The following GULP1 variants were observed in gnomAD, a reference collection of about 807,000 sequenced individuals.
GULP1 encodes GULP PTB domain containing engulfment adaptor 1.
Under a neutral mutation model 40.9 loss-of-function variants are expected in GULP1, and 19 were observed. That is an observed-to-expected ratio of 0.46 (90% CI 0.32 to 0.68). The LOEUF (loss-of-function observed/expected upper bound fraction) is 0.68, where lower values mean the gene tolerates loss of function less well. GULP1 is among the 30% of genes least tolerant of loss of function. The pLI is 0.03. For synonymous variants in GULP1, 119 were observed against 117.6 expected, an observed-to-expected ratio of 1.01 and a Z score of -0.08; for missense variants, 312 against 362.2, an observed-to-expected ratio of 0.86 and a Z score of 1.12.
chr2:188,329,969 T>A (rs561435960), intron 1 of GULP1, among the ~76,000 whole-genome samples: 1 of 152,286 alleles, frequency 6.6e-6, no homozygotes, highest in African/African-American at 2.4e-5. Flanking sequence ...TTTGATTTTG[T>A]ACCTGTTAAC....
intron 1 of GULP1, among the ~76,000 whole-genome samples, chr2:188,348,142 A>C (rs2043947426): frequency 6.6e-6 from 1 of 152,232 alleles, no homozygotes; most frequent in Non-Finnish European, 1.5e-5. Context: ...GTGTTATTCA[A>C]AATATTTATT....
rs549246411 is a variant in GULP1, at chr2:188,504,143, A to G, written c.91-18613A>G. ...AATAATTCAGCTGTCACTCTTCTGTACAGTAGAAGGAAATGTCATGACTTC... is the reference window on the plus strand; with the variant it reads ...AATAATTCAGCTGTCACTCTTCTGTGCAGTAGAAGGAAATGTCATGACTTC... On this transcript the variant is annotated intron_variant, in intron 4 of 11. Coordinates refer to ENST00000409830, the MANE Select transcript of GULP1 (RefSeq NM_016315.4). 3.3e-5 allele frequency among the ~76,000 whole-genome samples: 5 copies of G among 152,086 alleles called. No homozygotes were observed. In the South Asian group the frequency reaches 1.0e-3, roughly 31 times the overall value.
At chr2:188,469,942 T>C (rs959794542) in intron 2 of GULP1, among the ~76,000 whole-genome samples, 1 of 152,184 alleles carries the variant, frequency 6.6e-6, no homozygotes, top group Admixed American at 6.5e-5. Context: ...TTTAATGTAT[T>C]GTTGAATGCA....
At chr2:188,536,772 A>G (rs1237239365) in intron 6 of GULP1, among the ~76,000 whole-genome samples, 1 of 152,132 alleles carries the variant, frequency 6.6e-6, no homozygotes, top group Non-Finnish European at 1.5e-5. Flanking sequence ...TTGTTTGGGC[A>G]ATATGGTCAT....
intron 1 of GULP1, among the ~76,000 whole-genome samples, chr2:188,357,335 A>G (rs2045477418): frequency 1.3e-5 from 2 of 152,196 alleles, no homozygotes; most frequent in Admixed American, 6.5e-5. Context: ...TCTAGAATAT[A>G]TGATAAACTC....
At chr2:188,331,644 A>G (rs368184824) in intron 1 of GULP1, among the ~76,000 whole-genome samples, 126 of 152,300 alleles carry the variant, frequency 8.3e-4, no homozygotes, top group African/African-American at 2.9e-3. Flanking sequence ...AAATTCTGTT[A>G]TAGTTTGTAT....
At chr2:188,546,686 G>C (rs1453229543) in intron 7 of GULP1, among the ~76,000 whole-genome samples, 1 of 151,852 alleles carries the variant, frequency 6.6e-6, no homozygotes, top group East Asian at 1.9e-4. Context: ...AAACCTCAAA[G>C]TAAGCAGACG....
At chr2:188,560,389 A>G (rs948107377) in intron 7 of GULP1, among the ~76,000 whole-genome samples, 6 of 152,294 alleles carry the variant, frequency 3.9e-5, no homozygotes, top group East Asian at 1.9e-4. Context: ...ACCTCCTCAC[A>G]TTGGACTTCA....
intron 4 of GULP1, among the ~76,000 whole-genome samples, chr2:188,486,163 AG>A (rs1356837962): frequency 6.6e-6 from 1 of 152,060 alleles, no homozygotes. Context: ...ATAAATCGGT[AG>A]TGATAAAAAA....
chr2:188,421,731 G>A (rs1282072306), intron 2 of GULP1, among the ~76,000 whole-genome samples: 1 of 152,084 alleles, frequency 6.6e-6, no homozygotes, highest in Non-Finnish European at 1.5e-5. Context: ...ATTCTTGCTG[G>A]GGAGTGGGCC....
intron 1 of GULP1, among the ~76,000 whole-genome samples, chr2:188,374,406 A>G (rs926352439): frequency 3.3e-5 from 5 of 152,284 alleles, no homozygotes; most frequent in African/African-American, 1.2e-4. Context: ...TGCATTGGTT[A>G]CTATAGTAGA....
chr2:188,413,977 G>C (rs557320916), intron 2 of GULP1, among the ~76,000 whole-genome samples: 1 of 152,200 alleles, frequency 6.6e-6, no homozygotes, highest in South Asian at 2.1e-4. Flanking sequence ...CCAGCAAGTT[G>C]GGAGGCCGAG....
rs894277029 is a variant in GULP1 at position 188,591,580 on chromosome 2, G to A, written c.844-2360G>A. 10 of 151,380 alleles carry A rather than the reference G, an allele frequency of 6.6e-5. 1 individual carries two copies. Among genetic ancestry groups the A allele is most frequent in the Admixed American group, 3.9e-4 (6 of 15,194 alleles). 9.4% of individuals were successfully genotyped at this position (151,380 alleles called of 1,614,324 possible). On this transcript the variant is annotated intron_variant, in intron 11 of 11. Transcript: ENST00000409830. The stretch of plus-strand genomic sequence containing the variant: ...ATGGAAACAATCATAAAAATTAATA[G>A]CATTTTATATAGTCATAATAAATTA...
chr2:188,379,256 T>C (rs1388031075), intron 1 of GULP1, among the ~76,000 whole-genome samples: 1 of 152,196 alleles, frequency 6.6e-6, no homozygotes, highest in Non-Finnish European at 1.5e-5. Context: ...TCTGAAGAGT[T>C]TGTCATGTCT....
chr2:188,401,024 G>A (rs1160043584), intron 2 of GULP1, among the ~76,000 whole-genome samples: 3 of 150,012 alleles, frequency 2.0e-5, no homozygotes, highest in Non-Finnish European at 4.4e-5. Flanking sequence ...TTTTAGTTTT[G>A]GTTGCTGTGA....
At chr2:188,453,372 C>G (rs2058993059) in intron 2 of GULP1, among the ~76,000 whole-genome samples, 1 of 151,928 alleles carries the variant, frequency 6.6e-6, no homozygotes, top group Non-Finnish European at 1.5e-5. Context: ...ATTTATTATT[C>G]TAGATCTTTT....
chr2:188,428,716 G>A (rs2056511364), intron 2 of GULP1, among the ~76,000 whole-genome samples: 1 of 151,970 alleles, frequency 6.6e-6, no homozygotes. Context: ...TAAAGCCTGG[G>A]GAACCATGAG....
At chr2:188,522,600 TATAATATAAAA>T (rs1254764800) in intron 4 of GULP1, 145 bp from the exon 5 acceptor site, 2 of 216,684 alleles carry the variant, frequency 9.2e-6, no homozygotes, top group Admixed American at 5.7e-5. Context: ...TACATTTTCA[TATAATATAAAA>T]ATAATATAAA....
intron 7 of GULP1, among the ~76,000 whole-genome samples, chr2:188,548,629 A>G (rs944705126): frequency 1.3e-5 from 2 of 152,012 alleles, no homozygotes; most frequent in Admixed American, 6.6e-5. Context: ...AAACAATTTC[A>G]AAAAAAGAGC....
Sources: allele counts gnomAD v4.1 joint callset (sites outside exome capture counted in the v4.1 genomes callset), GRCh38; gene constraint gnomAD v4.1.1; transcripts MANE v1.5; gene names NCBI Gene and HGNC (gene_info 2026-07-23, HGNC 2026-07-21).